Variants in COA7 observed in about 807,000 individuals in gnomAD.
The protein encoded by COA7 is cytochrome c oxidase assembly factor 7.
In COA7, 12 loss-of-function variants were observed where a neutral mutation model predicts 21.0. That is an observed-to-expected ratio of 0.57 (90% CI 0.37 to 0.92). The LOEUF is 0.92. COA7 is among the 40% of genes least tolerant of loss of function. The probability of loss-of-function intolerance (pLI) is 0.01; values close to 1 mark genes in which losing one functional copy is unlikely to be tolerated. For synonymous variants in COA7, 95 were observed against 107.4 expected (o/e 0.88, Z 0.72); for missense variants, 240 against 286.1 (o/e 0.84, Z 1.16).
At position 52,692,879 on chromosome 1, in the gene COA7, G is replaced by A. The variant is rs1263221602; in HGVS notation, c.107-12C>T. 6.2e-7 allele frequency: 1 copy of A among 1,614,042 alleles called. No individual in the cohort carries two copies. Among genetic ancestry groups the A allele is most frequent in the Admixed American group, 1.7e-5 (1 of 60,012 alleles). On this transcript the variant is annotated splice_polypyrimidine_tract_variant and intron_variant, in intron 1 of 2. Coordinates refer to ENST00000371538, the MANE Select transcript of COA7 (RefSeq NM_023077.3). ...CAGCCGATAGCAACCTGCGAGAAGA[G>A]GGCAAGGGTTGTTCTTCATGTCTGG... is the stretch of plus-strand genomic sequence containing the variant.
intron 1 of COA7, 37 bp downstream of exon 1, chr1:52,698,183 TC>T: frequency 6.9e-7 from 1 of 1,454,296 alleles, no homozygotes; most frequent in Non-Finnish European, 9.6e-7. Flanking sequence ...GGCACGTCCC[TC>T]CCCGACGCGT....
chr1:52,689,966 G>A, intron 2 of COA7, among the ~76,000 whole-genome samples: 1 of 150,306 alleles, frequency 6.7e-6, no homozygotes, highest in Non-Finnish European at 1.5e-5. Context: ...AGTGGAGCTT[G>A]CAGTGAGCAG....
chr1:52,691,635 C>T (rs150844833), intron 2 of COA7, among the ~76,000 whole-genome samples: 1,656 of 151,814 alleles, frequency 0.011, 22 homozygotes, highest in African/African-American at 0.032. Flanking sequence ...CCACGCCCAG[C>T]TAATTTTTTT....
At chr1:52,692,582 T>C (rs980857038) in intron 2 of COA7, 145 bp downstream of exon 2, 3 of 887,208 alleles carry the variant, frequency 3.4e-6, no homozygotes, top group Non-Finnish European at 5.2e-6. Flanking sequence ...CCCCCATCAC[T>C]CTGCTGAACT....
intron 1 of COA7, among the ~76,000 whole-genome samples, chr1:52,696,624 A>C (rs1644085234): frequency 6.6e-6 from 1 of 151,632 alleles, no homozygotes; most frequent in Non-Finnish European, 1.5e-5. Flanking sequence ...ACTAAACTGC[A>C]AGCTATTAGA....
chr1:52,688,208 G>A, intron 2 of COA7, 40 bp from the exon 3 acceptor site: 1 of 1,544,268 alleles, frequency 6.5e-7, no homozygotes, highest in South Asian at 1.1e-5. Flanking sequence ...ACCCAAGCCA[G>A]GGCACAACCT....
intron 1 of COA7, among the ~76,000 whole-genome samples, chr1:52,697,636 G>C (rs544746535): frequency 9.2e-5 from 14 of 152,228 alleles, no homozygotes; most frequent in African/African-American, 3.1e-4. Flanking sequence ...GCAGTGGCGC[G>C]ATCTCTGCTC....
chr1:52,698,010 C>A, intron 1 of COA7: 1 of 564,810 alleles, frequency 1.8e-6, no homozygotes. Flanking sequence ...ACCCAAAAGC[C>A]CCAGCACGTC....
intron 2 of COA7, among the ~76,000 whole-genome samples, chr1:52,691,250 A>C (rs951135899): frequency 1.3e-5 from 2 of 152,170 alleles, no homozygotes; most frequent in African/African-American, 4.8e-5. Context: ...TCCTGTCTCT[A>C]CAAAAAATAA....
At position 52,687,545 on chromosome 1, in the gene COA7, C is replaced by T. The variant is rs1214705746; in HGVS notation, c.*175G>A. On this transcript the variant is annotated 3_prime_UTR_variant, in exon 3 of 3. Coordinates refer to ENST00000371538, the MANE Select transcript of COA7 (RefSeq NM_023077.3). ...ATAAAGGAATATTGACTGAAATAAA[C>T]ATTGTAGGCTATACTCCAGTAGCTG... The T allele has an allele frequency of 4.8e-6, 3 of 623,884 alleles. No individual in the cohort carries two copies. The highest frequency in any genetic ancestry group is 2.7e-5 in the East Asian group (1 of 36,482). The allele number at this position is 623,884 out of a possible 1,614,324, so 38.6% of individuals were successfully genotyped here.
At chr1:52,693,231 G>C (rs925264250) in intron 1 of COA7, among the ~76,000 whole-genome samples, 7 of 137,794 alleles carry the variant, frequency 5.1e-5, no homozygotes, top group Non-Finnish European at 1.0e-4. Context: ...AAGTTAAATG[G>C]TAAAAACAGT....
chr1:52,698,058 C>A, intron 1 of COA7, 163 bp downstream of exon 1: 1 of 626,796 alleles, frequency 1.6e-6, no homozygotes, highest in South Asian at 1.9e-5. Context: ...TCGGTCTTCC[C>A]GGGACACATC....
chr1:52,691,648 G>T (rs995249307), intron 2 of COA7, among the ~76,000 whole-genome samples: 1 of 151,138 alleles, frequency 6.6e-6, no homozygotes, highest in Non-Finnish European at 1.5e-5. Context: ...ATTTTTTTTT[G>T]TATTTTTAGT....
At chr1:52,691,809 T>C (rs1571718347) in intron 2 of COA7, among the ~76,000 whole-genome samples, 1 of 152,142 alleles carries the variant, frequency 6.6e-6, no homozygotes, top group East Asian at 1.9e-4. Flanking sequence ...AGTTCTTTAA[T>C]ATTCCTTCCT....
rs201473412 is a variant in COA7, at chr1:52,687,227, A to G, written c.*493T>C. On this transcript the variant is annotated 3_prime_UTR_variant, in exon 3 of 3. Coordinates refer to ENST00000371538, the MANE Select transcript of COA7 (RefSeq NM_023077.3). ...ACTATTTAACTGTTCTTAGTTCTTT[A>G]AGACCTCAATTACGTAAACCAAGAT... 66 of 162,236 alleles carry G rather than the reference A, an allele frequency of 4.1e-4. No individual in the cohort carries two copies. In the East Asian group the frequency reaches 4.3e-3, roughly 11 times the overall value. The allele number at this position is 162,236 out of a possible 1,614,324, so 10.0% of individuals were successfully genotyped here.
chr1:52,693,521 G>A lies in COA7; in HGVS notation c.107-654C>T, dbSNP rs543879157. ...CCTGGGAGGCTAAGGCAGGAGAATC[G>A]CTTGAACCCAGGGGGCGGAGGTTGC... On this transcript the variant is annotated intron_variant, in intron 1 of 2. Coordinates refer to ENST00000371538, the MANE Select transcript of COA7 (RefSeq NM_023077.3). Among the ~76,000 whole-genome samples, 17 of 151,384 alleles carry A rather than the reference G, an allele frequency of 1.1e-4. 1 individual carries two copies. Among genetic ancestry groups the A allele is most frequent in the African/African-American group, 3.2e-4 (13 of 41,248 alleles).
intron 1 of COA7, 101 bp downstream of exon 1, chr1:52,698,120 C>A: frequency 1.2e-6 from 1 of 853,332 alleles, no homozygotes; most frequent in Non-Finnish European, 1.9e-6. Flanking sequence ...GTCCCCCGCC[C>A]GCCACGTGAT....
chr1:52,698,074 T>C, intron 1 of COA7, 147 bp downstream of exon 1: 1 of 651,526 alleles, frequency 1.5e-6, no homozygotes, highest in Non-Finnish European at 2.7e-6. Context: ...ACATCGCCCT[T>C]CCCAACACAC....
At position 52,698,188 on chromosome 1, in the gene COA7, G is replaced by T. The variant is rs138892493; in HGVS notation, c.106+33C>A. On this transcript the variant is annotated intron_variant, in intron 1 of 2. Coordinates refer to ENST00000371538, the MANE Select transcript of COA7 (RefSeq NM_023077.3). ...GACCTCTCCGGGCACGTCCCTCCCC[G>T]ACGCGTCGCCGGGCTGCGCTGGAGC... The T allele has an allele frequency of 6.8e-3, 10,225 of 1,498,972 alleles. 143 individuals are homozygous for T. In the Middle Eastern group the frequency reaches 0.092, roughly 14 times the overall value. The allele number at this position is 1,498,972 out of a possible 1,614,324, so 92.9% of individuals were successfully genotyped here.
Sources: gnomAD v4.1 joint callset for allele counts (sites outside exome capture counted in the v4.1 genomes callset) on GRCh38, gnomAD v4.1.1 for gene constraint, MANE v1.5 for transcripts, NCBI Gene and HGNC (gene_info 2026-07-23, HGNC 2026-07-21) for gene names.